The following TTN variants were observed in gnomAD, a reference collection of about 807,000 sequenced individuals.
The protein encoded by TTN is titin.
Under a neutral mutation model 3,223.0 loss-of-function variants are expected in TTN, and 1,525 were observed. The ratio of observed to expected loss-of-function variants is 0.47; its 90% confidence interval spans 0.45 to 0.49. The LOEUF (loss-of-function observed/expected upper bound fraction) is 0.49, where lower values mean the gene tolerates loss of function less well. Ranked by LOEUF, TTN falls within the 20% of genes least tolerant of loss-of-function variation. The pLI is 0.00. For missense variants in TTN, 40,786 were observed against 43,424.0 expected, an observed-to-expected ratio of 0.94 and a Z score of 5.40; for synonymous variants, 14,094 against 15,161.0, an observed-to-expected ratio of 0.93 and a Z score of 5.17.
chr2:178,745,034 A>G (rs2083218415), intron 47 of TTN: 8 of 987,264 alleles, frequency 8.1e-6, no homozygotes, highest in Non-Finnish European at 9.6e-6. Flanking sequence ...AACAGATTAT[A>G]GAGTTAGTTG....
Position 178,670,236 on chromosome 2 carries a change from T to G in TTN, c.35368A>C (p.Arg11790=). Residue 11790 remains arginine (R), a synonymous_variant, in exon 157 of 363, where the codon AGA becomes CGA. Coordinates refer to ENST00000589042, the MANE Select transcript of TTN (RefSeq NM_001267550.2). ...CAGTTACCTTTAGTTGGTGGAACTC[T>G]GGGCTCTTCAGGAACACGTACTTTT... is the stretch of plus-strand genomic sequence containing the variant. ...EEKVRVPEEP[R]VPPTKAPEVP... is the part of the protein sequence containing the mutation. 6.7e-7 allele frequency: 1 copy of G among 1,490,644 alleles called. No homozygotes were observed. The highest frequency in any genetic ancestry group is 8.9e-7 in the Non-Finnish European group (1 of 1,125,698). The allele number at this position is 1,490,644 out of a possible 1,614,324, so 92.3% of individuals were successfully genotyped here. A position where few individuals can be genotyped will look rare whatever the true frequency, so the allele number is the denominator to read the frequency against.
chr2:178,768,191 A>G (rs768833396), intron 38 of TTN, 36 bp from the exon 39 acceptor site: 1 of 1,607,036 alleles, frequency 6.2e-7, no homozygotes, highest in Non-Finnish European at 8.5e-7. Context: ...AACATTTTTA[A>G]CAGCTTTATT....
At chr2:178,595,876 T>C in intron 294 of TTN, 67 bp from the exon 295 acceptor site, 1 of 1,457,720 alleles carries the variant, frequency 6.9e-7, no homozygotes, top group Non-Finnish European at 9.2e-7. Context: ...AACACTTGTT[T>C]TTTTAAAAGG....
chr2:178,802,013 G>A lies in TTN; in HGVS notation c.295+125C>T, dbSNP rs1021880434. 2.5e-6 allele frequency: 3 copies of A among 1,197,716 alleles called. No individual in the cohort carries two copies. The Admixed American group carries it at 5.4e-5, about 21-fold the overall frequency. 74.2% of individuals were successfully genotyped at this position (1,197,716 alleles called of 1,614,324 possible). A position where few individuals can be genotyped will look rare whatever the true frequency, so the allele number is the denominator to read the frequency against. On this transcript the variant is annotated intron_variant, in intron 3 of 362. Transcript: ENST00000589042. ...TTGGTTATAAATAATTCAGCCTCCA[G>A]TAGACCCTTCTGTAGTTTAAGAGCT...
chr2:178,734,526 C>A lies in TTN; in HGVS notation c.15298G>T (p.Gly5100Cys), dbSNP rs2081094538. The A allele has an allele frequency of 6.2e-7, 1 of 1,612,642 alleles. No homozygotes were observed. The highest frequency in any genetic ancestry group is 1.3e-5 in the African/African-American group (1 of 75,036). ...TNALLQCEVSGTGPFEISWFK... is the reference protein window; with the variant it reads ...TNALLQCEVSCTGPFEISWFK... ...CAGCTAATTTCAAATGGTCCAGTGC[C>A]TGAGACTTCACACTGAAGTAGAGCA... The change falls in exon 52 of 363, where the codon GGC (glycine) becomes TGC (cysteine). Residue 5100 changes from glycine to cysteine, a missense_variant. By Grantham distance (159) the Gly-to-Cys change is radical. Coordinates refer to ENST00000589042, the MANE Select transcript of TTN (RefSeq NM_001267550.2).
chr2:178,715,359 GA>G (rs1560612027), intron 89 of TTN, 95 bp from the exon 90 acceptor site: 7 of 1,506,028 alleles, frequency 4.6e-6, no homozygotes, highest in Middle Eastern at 2.4e-4. Context: ...GATAGAGAGT[GA>G]AAAAAACACT....
Position 178,689,502 on chromosome 2 carries a change from T to C in TTN, c.31927+13A>G. The C allele has an allele frequency of 6.2e-7, 1 of 1,607,470 alleles. No individual in the cohort carries two copies. Among genetic ancestry groups the C allele is most frequent in the Non-Finnish European group, 8.5e-7 (1 of 1,176,200 alleles). On this transcript the variant is annotated intron_variant, in intron 123 of 362. Coordinates refer to ENST00000589042, the MANE Select transcript of TTN (RefSeq NM_001267550.2). ...GAAAGACAAGGTTATTTCATGGAGATGGGATTAAGTACCTGCTGGTGGTGG... is the reference window on the plus strand; with the variant it reads ...GAAAGACAAGGTTATTTCATGGAGACGGGATTAAGTACCTGCTGGTGGTGG...
chr2:178,682,291 C>A (rs544644789), intron 135 of TTN, among the ~76,000 whole-genome samples: 45 of 152,078 alleles, frequency 3.0e-4, no homozygotes, highest in African/African-American at 1.1e-3. Flanking sequence ...AATACATTTT[C>A]TCAATAGCCT....
Position 178,611,790 on chromosome 2 carries a change from G to A in TTN, c.50519C>T (p.Pro16840Leu). 1 of 1,612,554 alleles carries A rather than the reference G, an allele frequency of 6.2e-7. No individual in the cohort carries two copies. The highest frequency in any genetic ancestry group is 8.5e-7 in the Non-Finnish European group (1 of 1,179,174). Residue 16840 changes from proline (P) to leucine (L), a missense_variant, in exon 268 of 363, where the codon CCC becomes CTC. Transcript: ENST00000589042. ...NEAGVGHPSEPTEILSIEDPT... is the reference protein window; with the variant it reads ...NEAGVGHPSELTEILSIEDPT... ...ATCTTCAATGGATAGGATTTCTGTG[G>A]GTTCACTTGGGTGGCCAACTCCAGC...
chr2:178,692,162 A>G, intron 120 of TTN, 63 bp from the exon 121 acceptor site: 1 of 1,425,596 alleles, frequency 7.0e-7, no homozygotes, highest in South Asian at 1.2e-5. Context: ...GACATCTAAG[A>G]TTACATTAAA....
In TTN at chr2:178,652,848, C is replaced by A; in HGVS notation, c.38959G>T (p.Val12987Leu). 6.2e-7 allele frequency: 1 copy of A among 1,611,274 alleles called. No individual in the cohort carries two copies. The highest frequency in any genetic ancestry group is 8.5e-7 in the Non-Finnish European group (1 of 1,179,002). ...GAAGCCTAAAGCCAGTGACAAATAC[C>A]TTTAACAGGAGGGACTTCAGGCTTT... Reference protein sequence around the residue: ...PKKPEVPPVKVPEAPKEVVPE... With the variant: ...PKKPEVPPVKLPEAPKEVVPE... The change falls in exon 200 of 363, where the codon GTA (valine) becomes TTA (leucine). Residue 12987 changes from valine (V) to leucine (L), a missense_variant and splice_region_variant. Transcript: ENST00000589042.
Position 178,740,989 on chromosome 2 carries a change from C to T in TTN, c.12244G>A (p.Ala4082Thr), listed in dbSNP as rs751429196. ...TGGTTTTCTTCTGTAATTAAAGCAGCTTTCAAAATGGTGTCTTTTACAAAC... is the reference window on the plus strand; with the variant it reads ...TGGTTTTCTTCTGTAATTAAAGCAGTTTTCAAAATGGTGTCTTTTACAAAC... ...ATFVKDTILKAALITEENQQL... is the reference protein window; with the variant it reads ...ATFVKDTILKTALITEENQQL... Residue 4082 changes from alanine (A) to threonine (T), a missense_variant, in exon 48 of 363, where the codon GCT becomes ACT. Ala to Thr is a moderately conservative substitution (Grantham distance 58, BLOSUM62 0). Transcript: ENST00000589042. 2.2e-5 allele frequency: 36 copies of T among 1,613,830 alleles called. No homozygotes were observed. Among genetic ancestry groups the T allele is most frequent in the Non-Finnish European group, 3.0e-5 (35 of 1,179,848 alleles).
chr2:178,753,012 T>C (rs1474815278), intron 47 of TTN, 112 bp downstream of exon 47: 6 of 803,986 alleles, frequency 7.5e-6, no homozygotes, highest in Non-Finnish European at 1.2e-5. Context: ...GAGATATATT[T>C]GTATATCTAT....
Position 178,564,963 on chromosome 2 carries a change from C to T in TTN, c.81169G>A (p.Ala27057Thr). 1 of 1,611,862 alleles carries T rather than the reference C, an allele frequency of 6.2e-7. No individual in the cohort carries two copies. Among genetic ancestry groups the T allele is most frequent in the Non-Finnish European group, 8.5e-7 (1 of 1,178,916 alleles). Residue 27057 changes from alanine to threonine, a missense_variant, in exon 326 of 363, where the codon GCC becomes ACC. Ala to Thr is a moderately conservative substitution (Grantham distance 58). Coordinates refer to ENST00000589042, the MANE Select transcript of TTN (RefSeq NM_001267550.2). ...ATAACTGCCTTAGAATCCAGTGGGG[C>T]ACTTTTTCCATACCTGTTTTCAGCA... Reference protein sequence around the residue: ...IFAENRYGKSAPLDSKAVIVQ... With the variant: ...IFAENRYGKSTPLDSKAVIVQ...
Position 178,730,778 on chromosome 2 carries a change from G to C in TTN, c.17755C>G (p.Pro5919Ala), listed in dbSNP as rs780414866. 3 of 1,602,208 alleles carry C rather than the reference G, an allele frequency of 1.9e-6. No homozygotes were observed. In the Admixed American group the frequency reaches 5.1e-5, roughly 27 times the overall value. The change falls in exon 61 of 363, where the codon CCT (proline) becomes GCT (alanine). Residue 5919 changes from proline to alanine, a missense_variant. Transcript: ENST00000589042. ...TTCTTCAGCTTTTTGGTGAATGAAG[G>C]AGGTATGATAAGATCTATTCAATGA... ...RINVLDLIIPPSFTKKLKKMD... is the reference protein window; with the variant it reads ...RINVLDLIIPASFTKKLKKMD...
At position 178,573,774 on chromosome 2, in the gene TTN, G is replaced by A. The variant is rs372309164; in HGVS notation, c.72358C>T (p.Leu24120Phe). Residue 24120 changes from leucine to phenylalanine, a missense_variant, in exon 326 of 363, where the codon CTT becomes TTT. By Grantham distance (22) the Leu-to-Phe change is conservative (BLOSUM62 0). Coordinates refer to ENST00000589042, the MANE Select transcript of TTN (RefSeq NM_001267550.2). ...FAKHIFNVKV[L>F]DRPGPPEGPL... ...CCTTCAGGTGGGCCTGGTCTGTCAA[G>A]AACTTTGACATTGAAAATGTGTTTA... 8.5e-5 allele frequency: 136 copies of A among 1,607,414 alleles called. 1 individual carries two copies. Among genetic ancestry groups the A allele is most frequent in the South Asian group, 7.5e-4 (67 of 89,910 alleles).
rs745843064 is a variant in TTN, at chr2:178,545,515, A to G, written c.95595T>C (p.Asp31865=). The G allele has an allele frequency of 1.2e-6, 2 of 1,613,680 alleles. No individual in the cohort carries two copies. Among genetic ancestry groups the G allele is most frequent in the South Asian group, 1.1e-5 (1 of 91,074 alleles). Residue 31865 remains aspartate, a synonymous_variant, in exon 344 of 363, where the codon GAT becomes GAC. Coordinates refer to ENST00000589042, the MANE Select transcript of TTN (RefSeq NM_001267550.2). ...TCAGGCTGGTCACCTTCAGCCTGGTATCATACACCACATAGTCTTTGTTGA... is the reference window on the plus strand; with the variant it reads ...TCAGGCTGGTCACCTTCAGCCTGGTGTCATACACCACATAGTCTTTGTTGA... ...TRVNKDYVVY[D]TRLKVTSLME...
In TTN at chr2:178,704,863, A is replaced by G. The variant is rs1458593107; in HGVS notation, c.29694+14T>C. The G allele has an allele frequency of 1.2e-6, 2 of 1,611,676 alleles. No homozygotes were observed. ...ATAACTTGTTCATTTTATTATCAACATAATTCTTTTTACCTCTGTCTGTGA... is the reference window on the plus strand; with the variant it reads ...ATAACTTGTTCATTTTATTATCAACGTAATTCTTTTTACCTCTGTCTGTGA... On this transcript the variant is annotated intron_variant, in intron 104 of 362. Transcript: ENST00000589042.
At chr2:178,681,228 A>G (rs1032312240) in intron 137 of TTN, 57 bp from the exon 138 acceptor site, 42 of 1,484,042 alleles carry the variant, frequency 2.8e-5, no homozygotes, top group Non-Finnish European at 3.9e-5. Context: ...ATACTATGTA[A>G]TAAATACACA....
Sources: allele counts gnomAD v4.1 joint callset (sites outside exome capture counted in the v4.1 genomes callset), GRCh38; gene constraint gnomAD v4.1.1; transcripts MANE v1.5; gene names NCBI Gene and HGNC (gene_info 2026-07-23, HGNC 2026-07-21).